HERC1: variants seen among roughly 807,000 people sequenced by gnomAD.
HERC1 encodes the protein HECT and RLD domain containing E3 ubiquitin protein ligase family member 1.
Under a neutral mutation model 554.3 loss-of-function variants are expected in HERC1, and 160 were observed. The ratio of observed to expected loss-of-function variants is 0.29; its 90% CI spans 0.25 to 0.33. The LOEUF (loss-of-function observed/expected upper bound fraction) is 0.33. Ranked by LOEUF, HERC1 falls within the 10% of genes least tolerant of loss-of-function variation. The probability of loss-of-function intolerance (pLI) is 1.00; values close to 1 mark genes in which losing one functional copy is unlikely to be tolerated. For synonymous variants in HERC1, 2,175 were observed against 2,131.7 expected (o/e 1.02, Z -0.56); for missense variants, 4,919 against 5,918.5 (o/e 0.83, Z 5.54).
intron 7 of HERC1, 52 bp downstream of exon 7, chr15:63,754,453 T>C: frequency 6.7e-7 from 1 of 1,483,978 alleles, no homozygotes; most frequent in South Asian, 1.4e-5. Flanking sequence ...AATAAATTTT[T>C]AAAAAACTCA....
intron 12 of HERC1, among the ~76,000 whole-genome samples, chr15:63,737,015 T>TA (rs200416420): frequency 9.9e-4 from 147 of 148,252 alleles, no homozygotes; most frequent in African/African-American, 3.1e-3. Context: ...TTGTCTAATT[T>TA]AAAAAAAAAA....
At chr15:63,671,951 G>T (rs998612334) in intron 39 of HERC1, among the ~76,000 whole-genome samples, 1 of 152,080 alleles carries the variant, frequency 6.6e-6, no homozygotes, top group Admixed American at 6.6e-5. Flanking sequence ...GCAAATTAAA[G>T]CAAAAAGAAA....
chr15:63,644,080 A>G (rs2069202557), intron 57 of HERC1, among the ~76,000 whole-genome samples: 1 of 152,204 alleles, frequency 6.6e-6, no homozygotes, highest in African/African-American at 2.4e-5. Context: ...ACCTATCTGT[A>G]GTACTCCCAC....
chr15:63,792,930 C>A (rs987447459), intron 1 of HERC1, among the ~76,000 whole-genome samples: 5 of 152,196 alleles, frequency 3.3e-5, no homozygotes, highest in African/African-American at 9.7e-5. Flanking sequence ...GTTCCCACAC[C>A]GCACTCCTGG....
intron 37 of HERC1, 70 bp from the exon 38 acceptor site, chr15:63,675,187 A>G (rs2071134115): frequency 1.2e-5 from 16 of 1,299,134 alleles, no homozygotes; most frequent in African/African-American, 1.5e-5. Context: ...TACGGAAAAT[A>G]ATGTAGACAA....
chr15:63,617,956 G>A (rs1300821441), intron 74 of HERC1, among the ~76,000 whole-genome samples: 10 of 151,966 alleles, frequency 6.6e-5, no homozygotes, highest in Admixed American at 3.9e-4. Flanking sequence ...TCTGTGGGTC[G>A]CCTGTTCACT....
Position 63,749,005 on chromosome 15 carries a change from G to A in HERC1, c.2219+362C>T, listed in dbSNP as rs1456867622. ...AAAAACCAACCAGATTGAGAGCACT[G>A]AGGTTAAACATTAAATCAATAAAGC... On this transcript the variant is annotated intron_variant, in intron 10 of 77. Transcript: ENST00000443617. This position sits in a 1 kb window ranked among gnomAD's most constrained non-coding sequence, Gnocchi z 4.1. 6.6e-6 allele frequency among the ~76,000 whole-genome samples: 1 copy of A among 150,504 alleles called. No homozygotes were observed. The highest frequency in any genetic ancestry group is 2.4e-5 in the African/African-American group (1 of 41,050).
intron 1 of HERC1, among the ~76,000 whole-genome samples, chr15:63,812,400 CCAAACTGATTT>C (rs981783624): frequency 2.0e-5 from 3 of 152,132 alleles, no homozygotes; most frequent in African/African-American, 7.2e-5. Flanking sequence ...ATCTAAAAGG[CCAAACTGATTT>C]GGAAATGTGT....
Position 63,643,556 on chromosome 15 carries a change from A to T in HERC1, c.11185-6T>A, listed in dbSNP as rs1464445368. ...GATGATTTCCTATATCCATCCTGAA[A>T]TTCATTATTTTTAACATGCATTAAA... On this transcript the variant is annotated splice_region_variant and splice_polypyrimidine_tract_variant and intron_variant, in intron 57 of 77. Transcript: ENST00000443617. 1 of 1,560,240 alleles carries T rather than the reference A, an allele frequency of 6.4e-7. No individual in the cohort carries two copies. Among genetic ancestry groups the T allele is most frequent in the East Asian group, 2.3e-5 (1 of 42,836 alleles).
chr15:63,638,796 T>A lies in HERC1; in HGVS notation c.11902-20A>T. On this transcript the variant is annotated intron_variant, in intron 61 of 77. Transcript: ENST00000443617. ...GTTATCCTGAAAAACAGGGGGTACA[T>A]AATGATCAATTCTGCTTAGGCAAGA... 6.3e-7 allele frequency: 1 copy of A among 1,597,122 alleles called. No homozygotes were observed. The highest frequency in any genetic ancestry group is 8.6e-7 in the Non-Finnish European group (1 of 1,164,556).
chr15:63,642,128 A>G (rs1595878455), intron 59 of HERC1, among the ~76,000 whole-genome samples: 1 of 152,184 alleles, frequency 6.6e-6, no homozygotes, highest in African/African-American at 2.4e-5. Flanking sequence ...ATTTAACCAT[A>G]TAAAATGTAA....
chr15:63,815,567 C>T (rs2077465659), intron 1 of HERC1, among the ~76,000 whole-genome samples: 1 of 152,192 alleles, frequency 6.6e-6, no homozygotes, highest in Non-Finnish European at 1.5e-5. Flanking sequence ...TGCTTACAGG[C>T]TAAGATGAAA....
intron 77 of HERC1, among the ~76,000 whole-genome samples, chr15:63,611,046 T>C (rs554771921): frequency 9.2e-5 from 14 of 152,240 alleles, no homozygotes; most frequent in African/African-American, 1.9e-4. Flanking sequence ...ATGACTGGCA[T>C]TGGGCTTATA....
chr15:63,745,626 C>T (rs552538880), intron 12 of HERC1, among the ~76,000 whole-genome samples: 1 of 152,194 alleles, frequency 6.6e-6, no homozygotes, highest in Non-Finnish European at 1.5e-5. Context: ...GCCACTGCTG[C>T]AGGGGGAGGA....
In HERC1 at chr15:63,643,384, A is replaced by G; in HGVS notation, c.11331+20T>C. ...GTGTCAAAATATTCCTTAACATAAA[A>G]ATAAAATCTATGCTCTTACCCTTAA... On this transcript the variant is annotated intron_variant, in intron 58 of 77. Transcript: ENST00000443617. 6.3e-7 allele frequency: 1 copy of G among 1,594,798 alleles called. No homozygotes were observed. Among genetic ancestry groups the G allele is most frequent in the South Asian group, 1.2e-5 (1 of 86,896 alleles).
chr15:63,696,455 A>G (rs2072419604), intron 26 of HERC1, 116 bp from the exon 27 acceptor site: 1 of 662,218 alleles, frequency 1.5e-6, no homozygotes, highest in Non-Finnish European at 2.6e-6. Context: ...ATATGAATCT[A>G]TTCTAAGATA....
intron 32 of HERC1, 133 bp downstream of exon 32, chr15:63,690,408 G>A: frequency 1.7e-6 from 1 of 576,662 alleles, no homozygotes; most frequent in South Asian, 2.8e-5. Context: ...AATAAAGAAA[G>A]CAGTCCTAAA....
chr15:63,744,683 AG>A (rs2074989625), intron 12 of HERC1, among the ~76,000 whole-genome samples: 1 of 152,168 alleles, frequency 6.6e-6, no homozygotes, highest in African/African-American at 2.4e-5. Context: ...CTTAAGCTTA[AG>A]GCCCAGGGAT....
At chr15:63,643,970 C>T (rs530527203) in intron 57 of HERC1, among the ~76,000 whole-genome samples, 4 of 152,244 alleles carry the variant, frequency 2.6e-5, no homozygotes, top group East Asian at 3.9e-4. Context: ...TTTTTGTTGG[C>T]TAATGGTTCT....
Sources: gnomAD v4.1 joint callset for allele counts (sites outside exome capture counted in the v4.1 genomes callset) on GRCh38, gnomAD v4.1.1 for gene constraint, Gnocchi (gnomAD v3.1) non-coding constraint, MANE v1.5 for transcripts, NCBI Gene and HGNC (gene_info 2026-07-23, HGNC 2026-07-21) for gene names.